The following MYORG variants were observed in gnomAD, a reference collection of about 807,000 sequenced individuals.
MYORG encodes the protein myogenesis regulating glycosidase, also known as alpha-galactosidase MYORG.
A neutral mutation model predicts 49.8 loss-of-function variants in MYORG; 45 were observed. The ratio of observed to expected loss-of-function variants is 0.90; its 90% confidence interval spans 0.71 to 1.16. The LOEUF (loss-of-function observed/expected upper bound fraction) is 1.16. MYORG is among the 50% of genes most tolerant of loss of function. The probability of loss-of-function intolerance (pLI) is 0.00; values close to 1 mark genes in which losing one functional copy is unlikely to be tolerated. For synonymous variants in MYORG, 552 were observed against 462.9 expected (o/e 1.19, Z -2.47); for missense variants, 1,110 against 1,026.5 (o/e 1.08, Z -1.11).
In MYORG at chr9:34,371,167, G is replaced by GCGGGATAGAGAACTGCATGGC; in HGVS notation, c.1756_1776dup (p.Ala586_Pro592dup). ...ACCACTTCCGCGTCGTAGCGCCAGG[G>GCGGGATAGAGAACTGCATGGC]CGGGATAGAGAACTGCATGGCCGGC... On this transcript the variant is annotated inframe_insertion, in exon 2 of 2. Coordinates refer to ENST00000297625, the MANE Select transcript of MYORG (RefSeq NM_020702.5). The GCGGGATAGAGAACTGCATGGC allele has an allele frequency of 1.2e-6, 2 of 1,610,264 alleles. No homozygotes were observed. Among genetic ancestry groups the GCGGGATAGAGAACTGCATGGC allele is most frequent in the Non-Finnish European group, 1.7e-6 (2 of 1,177,944 alleles).
At position 34,371,050 on chromosome 9, in the gene MYORG, G is replaced by C. The variant is rs1236815238; in HGVS notation, c.1894C>G (p.Pro632Ala). 1.9e-6 allele frequency: 3 copies of C among 1,612,534 alleles called. No individual in the cohort carries two copies. The African/African-American group carries it at 4.0e-5, about 22-fold the overall frequency. ...LAGEVTDTGD[P>A]IVRPLWWIAP... ...ATCCACCAAAGGGGGCGCACGATAG[G>C]GTCACCCGTGTCGGTGACCTCGCCC... Residue 632 changes from proline (P) to alanine (A), a missense_variant, in exon 2 of 2, where the codon CCT becomes GCT. By Grantham distance (27) the Pro-to-Ala change is conservative. Transcript: ENST00000297625.
At position 34,372,881 on chromosome 9, in the gene MYORG, G is replaced by A; in HGVS notation, c.63C>T (p.Tyr21=). ...TGGCCTCGGGGTTCTGACGGTATGCGTAGCAGCCAGGCCGGCGGCGGCGGG... is the reference window on the plus strand; with the variant it reads ...TGGCCTCGGGGTTCTGACGGTATGCATAGCAGCCAGGCCGGCGGCGGCGGG... ...AYPRRRRPGC[Y]AYRQNPEAIA... is the part of the protein sequence containing the mutation. The change falls in exon 2 of 2, where the codon TAC becomes TAT. Residue 21 remains tyrosine, a synonymous_variant. Coordinates refer to ENST00000297625, the MANE Select transcript of MYORG (RefSeq NM_020702.5). 8 of 1,613,976 alleles carry A rather than the reference G, an allele frequency of 5.0e-6. No homozygotes were observed. The highest frequency in any genetic ancestry group is 6.8e-6 in the Non-Finnish European group (8 of 1,179,886).
chr9:34,372,576 T>A lies in MYORG; in HGVS notation c.368A>T (p.Asp123Val). The change falls in exon 2 of 2, where the codon GAC becomes GTC. Residue 123 changes from aspartate (D) to valine (V), a missense_variant. Transcript: ENST00000297625. ...LAFRSGALDL[D>V]SCSRDGALLG... is the part of the protein sequence containing the mutation. ...CAGGGCGCCATCGCGGCTGCAGGAGTCAAGGTCCAGCGCGCCGGAGCGGAA... is the reference window on the plus strand; with the variant it reads ...CAGGGCGCCATCGCGGCTGCAGGAGACAAGGTCCAGCGCGCCGGAGCGGAA... The A allele has an allele frequency of 6.2e-7, 1 of 1,602,822 alleles. No individual in the cohort carries two copies.
rs1221710670 is a variant in MYORG at position 34,372,731 on chromosome 9, C to T, written c.213G>A (p.Ala71=). Residue 71 remains alanine, a synonymous_variant, in exon 2 of 2, where the codon GCG becomes GCA. Transcript: ENST00000297625. ...AVLGLLLVLA[A]VVAWCYYSVS... Reference sequence around the variant, plus strand: ...CGCTGTAGTAGCACCAGGCCACCACCGCGGCCAGCACAAGCAGCAGCCCCA... The same window carrying T: ...CGCTGTAGTAGCACCAGGCCACCACTGCGGCCAGCACAAGCAGCAGCCCCA... The T allele has an allele frequency of 1.9e-6, 3 of 1,613,264 alleles. No individual in the cohort carries two copies. In the Admixed American group the frequency reaches 5.0e-5, roughly 27 times the overall value.
rs1161269816 is a variant in MYORG at position 34,376,480 on chromosome 9, G to A, written c.-64+313C>T. 6.6e-6 allele frequency among the ~76,000 whole-genome samples: 1 copy of A among 152,190 alleles called. No homozygotes were observed. On this transcript the variant is annotated intron_variant, in intron 1 of 1. Transcript: ENST00000297625. The surrounding 1 kb of genome is among the most constrained non-coding windows in gnomAD (Gnocchi z 4.4). The stretch of plus-strand genomic sequence containing the variant: ...CGTTAGTTGGACACAGTTCCCGGGG[G>A]GATGGAAATGTCAAAGGCAACTCGA...
chr9:34,372,824 G>T lies in MYORG; in HGVS notation c.120C>A (p.Pro40=). Residue 40 remains proline (P), a synonymous_variant, in exon 2 of 2, where the codon CCC becomes CCA. Coordinates refer to ENST00000297625, the MANE Select transcript of MYORG (RefSeq NM_020702.5). ...TGGGCTTGGCAGGTGAGAAGTTGTC[G>T]GGCAGGAAGGTGTACATAGCTGCGG... ...IAAAAMYTFL[P]DNFSPAKPKP... is the part of the protein sequence containing the mutation. The T allele has an allele frequency of 6.2e-7, 1 of 1,614,038 alleles. No individual in the cohort carries two copies. Among genetic ancestry groups the T allele is most frequent in the South Asian group, 1.1e-5 (1 of 91,080 alleles).
rs1820510255 is a variant in MYORG, at chr9:34,366,876, C to T, written c.*3923G>A. 2.0e-5 allele frequency: 3 copies of T among 152,184 alleles called. No individual in the cohort carries two copies. The highest frequency in any genetic ancestry group is 7.2e-5 in the African/African-American group (3 of 41,426). The allele number at this position is 152,184 out of a possible 1,614,324, so 9.4% of individuals were successfully genotyped here. On this transcript the variant is annotated 3_prime_UTR_variant, in exon 2 of 2. Transcript: ENST00000297625. ...TGATAGAATCAGCACTTGAGTTGTG[C>T]ATCTGTGAGGGCCCCAAAGCTTTCA...
rs770621275 is a variant in MYORG at position 34,372,721 on chromosome 9, A to G, written c.223T>C (p.Trp75Arg). ...LLLVLAAVVA[W>R]CYYSVSLRKA... is the part of the protein sequence containing the mutation. ...CGTAGGGAGACGCTGTAGTAGCACC[A>G]GGCCACCACCGCGGCCAGCACAAGC... The change falls in exon 2 of 2, where the codon TGG (tryptophan) becomes CGG (arginine). Residue 75 changes from tryptophan (W) to arginine (R), a missense_variant. Coordinates refer to ENST00000297625, the MANE Select transcript of MYORG (RefSeq NM_020702.5). The G allele has an allele frequency of 6.2e-7, 1 of 1,613,126 alleles. No homozygotes were observed. Among genetic ancestry groups the G allele is most frequent in the Non-Finnish European group, 8.5e-7 (1 of 1,179,600 alleles).
At chr9:34,375,045 G>C (rs1373980816) in intron 1 of MYORG, among the ~76,000 whole-genome samples, 1 of 152,134 alleles carries the variant, frequency 6.6e-6, no homozygotes, top group Non-Finnish European at 1.5e-5. Context: ...GCACCACCCA[G>C]GTGCACACAC....
rs1490542509 is a variant in MYORG at position 34,372,949 on chromosome 9, GGCT to G, written c.-9_-7del. On this transcript the variant is annotated 5_prime_UTR_variant, in exon 2 of 2. Transcript: ENST00000297625. ...TCCTGAGGGTTCTGGAGCATTAGTG[GGCT>G]GCTAAGAAAGGAGCGGGCCGTGGGG... 6.8e-6 allele frequency: 11 copies of G among 1,611,830 alleles called. No individual in the cohort carries two copies. The highest frequency in any genetic ancestry group is 6.8e-6 in the Non-Finnish European group (8 of 1,178,448).
intron 1 of MYORG, 93 bp from the exon 2 acceptor site, chr9:34,373,099 A>C: frequency 2.2e-6 from 2 of 917,718 alleles, no homozygotes; most frequent in African/African-American, 1.6e-5. Context: ...ATACTTTGGG[A>C]AGATGAATAC....
At position 34,371,026 on chromosome 9, in the gene MYORG, T is replaced by A; in HGVS notation, c.1918A>T (p.Ile640Phe). 1.2e-6 allele frequency: 2 copies of A among 1,613,046 alleles called. No homozygotes were observed. Among genetic ancestry groups the A allele is most frequent in the East Asian group, 2.2e-5 (1 of 44,866 alleles). The change falls in exon 2 of 2, where the codon ATT becomes TTT. Residue 640 changes from isoleucine to phenylalanine, a missense_variant. By Grantham distance (21) the Ile-to-Phe change is conservative. Coordinates refer to ENST00000297625, the MANE Select transcript of MYORG (RefSeq NM_020702.5). ...GDPIVRPLWW[I>F]APGDETAHRI... ...TGAGCTGTCTCGTCGCCGGGCGCAA[T>A]CCACCAAAGGGGGCGCACGATAGGG...
Position 34,372,515 on chromosome 9 carries a change from C to G in MYORG, c.429G>C (p.Leu143=). The part of the protein sequence containing the change: ...GCSLTADGLP[L]HFFIQTVRPK... The stretch of plus-strand genomic sequence containing the variant: ...GCCGCACAGTCTGGATGAAGAAGTG[C>G]AGCGGCAGCCCGTCGGCCGTGAGCG... Residue 143 remains leucine, a synonymous_variant, in exon 2 of 2, where the codon CTG becomes CTC. Coordinates refer to ENST00000297625, the MANE Select transcript of MYORG (RefSeq NM_020702.5). 4 of 1,600,938 alleles carry G rather than the reference C, an allele frequency of 2.5e-6. No individual in the cohort carries two copies. The highest frequency in any genetic ancestry group is 2.6e-6 in the Non-Finnish European group (3 of 1,174,664).
At position 34,371,388 on chromosome 9, in the gene MYORG, A is replaced by T; in HGVS notation, c.1556T>A (p.Val519Glu). Reference sequence around the variant, plus strand: ...GTAGCCCCACACAGAGTCGCGATCCACCAGGCGGAAGAAGCAGGAGATGTT... The same window carrying T: ...GTAGCCCCACACAGAGTCGCGATCCTCCAGGCGGAAGAAGCAGGAGATGTT... ...SQNISCFFRL[V>E]DRDSVWGYDL... Residue 519 changes from valine (V) to glutamate (E), a missense_variant, in exon 2 of 2, where the codon GTG becomes GAG. Val to Glu is a moderately radical substitution (Grantham distance 121). Coordinates refer to ENST00000297625, the MANE Select transcript of MYORG (RefSeq NM_020702.5). 6.2e-7 allele frequency: 1 copy of T among 1,613,304 alleles called. No homozygotes were observed. Among genetic ancestry groups the T allele is most frequent in the Non-Finnish European group, 8.5e-7 (1 of 1,179,796 alleles).
intron 1 of MYORG, among the ~76,000 whole-genome samples, chr9:34,374,621 G>A (rs931432611): frequency 3.3e-5 from 5 of 152,036 alleles, no homozygotes; most frequent in East Asian, 1.9e-4. Flanking sequence ...GGCCATGCAC[G>A]GTGCTCATGC....
rs538910143 is a variant in MYORG, at chr9:34,372,116, C to G, written c.828G>C (p.Ala276=). The change falls in exon 2 of 2, where the codon GCG becomes GCC. Residue 276 remains alanine (A), a synonymous_variant. Transcript: ENST00000297625. ...CGCACACTCGGTAGCTCAGCTCTGGCGCTGCGGCGCGGCCGGCGGGTGGCT... is the reference window on the plus strand; with the variant it reads ...CGCACACTCGGTAGCTCAGCTCTGGGGCTGCGGCGCGGCCGGCGGGTGGCT... ...PYKPPAGRAA[A]PELSYRVCVG... 6.2e-7 allele frequency: 1 copy of G among 1,612,726 alleles called. No homozygotes were observed. The highest frequency in any genetic ancestry group is 1.3e-5 in the African/African-American group (1 of 75,042).
rs1820641040 is a variant in MYORG at position 34,372,549 on chromosome 9, A to C, written c.395T>G (p.Leu132Arg). Residue 132 changes from leucine to arginine, a missense_variant, in exon 2 of 2, where the codon CTG becomes CGG. Coordinates refer to ENST00000297625, the MANE Select transcript of MYORG (RefSeq NM_020702.5). ...LDSCSRDGAL[L>R]GCSLTADGLP... is the part of the protein sequence containing the mutation. ...CCCGTCGGCCGTGAGCGAGCAGCCC[A>C]GCAGGGCGCCATCGCGGCTGCAGGA... The C allele has an allele frequency of 6.2e-7, 1 of 1,602,814 alleles. No homozygotes were observed. The highest frequency in any genetic ancestry group is 1.7e-4 in the Middle Eastern group (1 of 6,042).
Position 34,372,268 on chromosome 9 carries a change from C to A in MYORG, c.676G>T (p.Glu226Ter). 2 of 1,610,662 alleles carry A rather than the reference C, an allele frequency of 1.2e-6. No individual in the cohort carries two copies. Among genetic ancestry groups the A allele is most frequent in the Non-Finnish European group, 1.7e-6 (2 of 1,178,930 alleles). Residue 226 changes from glutamate to a stop codon, truncating the protein, a stop_gained, in exon 2 of 2, where the codon GAG becomes TAG. Transcript: ENST00000297625. LOFTEE classifies it high-confidence loss of function. ...SSDAAFGGIL[E>*]RYWLSSRAAA... ...GCGCGCGAAGATAGCCAGTAGCGCTCGAGGATGCCCCCAAACGCGGCGTCG... is the reference window on the plus strand; with the variant it reads ...GCGCGCGAAGATAGCCAGTAGCGCTAGAGGATGCCCCCAAACGCGGCGTCG...
Position 34,369,924 on chromosome 9 carries a change from TC to T in MYORG, c.*874del, listed in dbSNP as rs1467543252. The T allele has an allele frequency of 4.6e-5, 7 of 152,266 alleles. No homozygotes were observed. The highest frequency in any genetic ancestry group is 1.0e-4 in the Non-Finnish European group (7 of 68,010). The allele number at this position is 152,266 out of a possible 1,614,324, so 9.4% of individuals were successfully genotyped here. On this transcript the variant is annotated 3_prime_UTR_variant, in exon 2 of 2. Transcript: ENST00000297625. Reference sequence around the variant, plus strand: ...TCAGCAATCAGAGCCTCAAATTTGCTCCATGCCCCCTTCCTCCAGATCATCC... The same window carrying T: ...TCAGCAATCAGAGCCTCAAATTTGCTCATGCCCCCTTCCTCCAGATCATCC...
Sources: gnomAD v4.1 joint callset for allele counts (sites outside exome capture counted in the v4.1 genomes callset) on GRCh38, gnomAD v4.1.1 for gene constraint, Gnocchi (gnomAD v3.1) non-coding constraint, MANE v1.5 for transcripts, NCBI Gene and HGNC (gene_info 2026-07-23, HGNC 2026-07-21) for gene names.